Variants in NDUFS4 observed in about 807,000 individuals in gnomAD.
NDUFS4 encodes NADH dehydrogenase [ubiquinone] iron-sulfur protein 4, mitochondrial.
NDUFS4 carries 28 observed loss-of-function variants against 24.3 expected under a neutral mutation model. That is an observed-to-expected ratio of 1.15 (90% confidence interval 0.85 to 1.58). The LOEUF is 1.58. Among genes scored for constraint, NDUFS4 ranks in the 40% most tolerant of loss-of-function variants. The probability of loss-of-function intolerance (pLI) is 0.00; values close to 1 mark genes in which losing one functional copy is unlikely to be tolerated. For missense variants in NDUFS4, 223 were observed against 207.9 expected (o/e 1.07, Z -0.45); for synonymous variants, 93 against 69.7 (o/e 1.34, Z -1.67).
At chr5:53,647,652 C>T (rs1017883847) in intron 3 of NDUFS4, among the ~76,000 whole-genome samples, 1 of 152,122 alleles carries the variant, frequency 6.6e-6, no homozygotes, top group Non-Finnish European at 1.5e-5. Context: ...AAAAAGCTGT[C>T]ATTAGAGAAA....
intron 1 of NDUFS4, among the ~76,000 whole-genome samples, chr5:53,601,073 C>T (rs1750306338): frequency 6.7e-6 from 1 of 148,822 alleles, no homozygotes. Context: ...GGCGCGATCT[C>T]AGCTCACTGC....
chr5:53,653,216 G>C (rs756460974), intron 3 of NDUFS4, among the ~76,000 whole-genome samples: 18 of 152,130 alleles, frequency 1.2e-4, no homozygotes, highest in Non-Finnish European at 2.1e-4. Context: ...ACAAGGATTT[G>C]TTCCATGTCA....
Position 53,645,924 on chromosome 5 carries a change from C to CT in NDUFS4, c.178-308dup, listed in dbSNP as rs201301869. Among the ~76,000 whole-genome samples the CT allele has an allele frequency of 6.9e-3, 1,056 of 152,256 alleles. 16 individuals are homozygous for CT. Among genetic ancestry groups the CT allele is most frequent in the African/African-American group, 0.024 (1,015 of 41,550 alleles). The stretch of plus-strand genomic sequence containing the variant: ...GCTCACAAAGTAAGAGCATTGTTGA[C>CT]TACAGGCTCTTCTGCGAGCAAACAG... On this transcript the variant is annotated intron_variant, in intron 2 of 4. Coordinates refer to ENST00000296684, the MANE Select transcript of NDUFS4 (RefSeq NM_002495.4).
At chr5:53,570,213 C>T (rs1749163691) in intron 1 of NDUFS4, among the ~76,000 whole-genome samples, 4 of 152,142 alleles carry the variant, frequency 2.6e-5, no homozygotes. Flanking sequence ...TAATCCCTGT[C>T]CACAGTTATC....
intron 2 of NDUFS4, among the ~76,000 whole-genome samples, chr5:53,621,425 T>C (rs373747051): frequency 6.6e-6 from 1 of 152,140 alleles, no homozygotes; most frequent in South Asian, 2.1e-4. Context: ...TATTTATTGA[T>C]ATAATTGGGT....
chr5:53,586,405 C>T (rs1034986507), intron 1 of NDUFS4, among the ~76,000 whole-genome samples: 1 of 151,660 alleles, frequency 6.6e-6, no homozygotes, highest in Admixed American at 6.6e-5. Flanking sequence ...CTAAATCTTT[C>T]CTTGATTTGA....
intron 2 of NDUFS4, among the ~76,000 whole-genome samples, chr5:53,613,889 G>C (rs895094804): frequency 3.3e-5 from 5 of 151,958 alleles, no homozygotes; most frequent in Non-Finnish European, 5.9e-5. Flanking sequence ...CTTGAAGCTA[G>C]AAGGAAAGCT....
At chr5:53,603,619 A>G (rs1245174984) in intron 2 of NDUFS4, 89 bp downstream of exon 2, 4 of 1,029,264 alleles carry the variant, frequency 3.9e-6, no homozygotes, top group East Asian at 2.5e-5. Flanking sequence ...CCAGGTTTTC[A>G]GGAAAGTGAT....
At chr5:53,642,317 T>C (rs1272932607) in intron 2 of NDUFS4, among the ~76,000 whole-genome samples, 1 of 152,160 alleles carries the variant, frequency 6.6e-6, no homozygotes, top group Non-Finnish European at 1.5e-5. Flanking sequence ...AAGACACAAC[T>C]GTCACAAACA....
chr5:53,680,318 T>G (rs1020444001), intron 4 of NDUFS4, among the ~76,000 whole-genome samples: 1 of 152,134 alleles, frequency 6.6e-6, no homozygotes, highest in Non-Finnish European at 1.5e-5. Context: ...GAAATACCAT[T>G]TGACCCAGCC....
chr5:53,603,272 T>G (rs1750384740), intron 1 of NDUFS4, among the ~76,000 whole-genome samples, 180 bp from the exon 2 acceptor site: 2 of 151,722 alleles, frequency 1.3e-5, no homozygotes, highest in African/African-American at 4.8e-5. Flanking sequence ...TGCCAAAAAC[T>G]CAGCAGACAG....
intron 2 of NDUFS4, among the ~76,000 whole-genome samples, chr5:53,632,277 C>T (rs1005161410): frequency 3.3e-5 from 5 of 152,186 alleles, no homozygotes; most frequent in Admixed American, 6.5e-5. Flanking sequence ...TTTGTTTCAG[C>T]AGTCTACTAC....
At chr5:53,618,517 A>G (rs1190928263) in intron 2 of NDUFS4, among the ~76,000 whole-genome samples, 1 of 152,072 alleles carries the variant, frequency 6.6e-6, no homozygotes, top group Non-Finnish European at 1.5e-5. Context: ...TGTGTTAGTC[A>G]TGTGTGTATA....
chr5:53,596,211 G>A (rs1750128077), intron 1 of NDUFS4, among the ~76,000 whole-genome samples: 1 of 151,926 alleles, frequency 6.6e-6, no homozygotes, highest in Non-Finnish European at 1.5e-5. Context: ...CAGGAGGATT[G>A]CTTGAGCCCA....
intron 4 of NDUFS4, among the ~76,000 whole-genome samples, chr5:53,664,931 GCT>G (rs1752468655): frequency 6.6e-6 from 1 of 152,122 alleles, no homozygotes; most frequent in Admixed American, 6.5e-5. Context: ...CAGTATTTCT[GCT>G]CTGTTTTTTC....
intron 2 of NDUFS4, among the ~76,000 whole-genome samples, chr5:53,612,890 C>T (rs969761608): frequency 8.6e-5 from 13 of 151,954 alleles, no homozygotes; most frequent in Admixed American, 8.5e-4. Context: ...ATGGTTTTTG[C>T]AAGTCTTCGA....
intron 1 of NDUFS4, among the ~76,000 whole-genome samples, chr5:53,599,190 T>C (rs1750232476): frequency 6.6e-6 from 1 of 152,174 alleles, no homozygotes; most frequent in Non-Finnish European, 1.5e-5. Context: ...ATATTTTGGC[T>C]GTTTTTGCTT....
At chr5:53,653,100 C>T (rs1444729675) in intron 3 of NDUFS4, among the ~76,000 whole-genome samples, 2 of 152,074 alleles carry the variant, frequency 1.3e-5, no homozygotes, top group African/African-American at 2.4e-5. Context: ...TCATTGGACT[C>T]AGTACTTTTT....
chr5:53,668,606 T>A (rs1386843976), intron 4 of NDUFS4, among the ~76,000 whole-genome samples: 2 of 149,276 alleles, frequency 1.3e-5, no homozygotes, highest in East Asian at 2.0e-4. Context: ...TGCACCACCA[T>A]GTCCAGCTAA....
Sources: gnomAD v4.1 joint callset for allele counts (sites outside exome capture counted in the v4.1 genomes callset) on GRCh38, gnomAD v4.1.1 for gene constraint, MANE v1.5 for transcripts, NCBI Gene and HGNC (gene_info 2026-07-23, HGNC 2026-07-21) for gene names.